The following EXOC3L1 variants were observed in gnomAD, a reference collection of about 807,000 sequenced individuals.
EXOC3L1 encodes exocyst complex component 3-like protein.
EXOC3L1 carries 79 observed loss-of-function variants against 83.6 expected under a neutral mutation model. The ratio of observed to expected loss-of-function variants is 0.95; its 90% CI spans 0.79 to 1.14. The LOEUF (loss-of-function observed/expected upper bound fraction) is 1.14, where lower values mean the gene tolerates loss of function less well. Ranked by LOEUF, EXOC3L1 falls within the 50% of genes most tolerant of loss-of-function variation. The pLI is 0.00. For synonymous variants in EXOC3L1, 433 were observed against 451.2 expected, an observed-to-expected ratio of 0.96 and a Z score of 0.51; for missense variants, 945 against 972.0, an observed-to-expected ratio of 0.97 and a Z score of 0.37.
In EXOC3L1 at chr16:67,185,574, G is replaced by GT; in HGVS notation, c.1497-85dup. The GT allele has an allele frequency of 2.3e-6, 3 of 1,277,900 alleles. No individual in the cohort carries two copies. In the South Asian group the frequency reaches 3.6e-5, roughly 15 times the overall value. 79.2% of individuals were successfully genotyped at this position (1,277,900 alleles called of 1,614,324 possible). ...GGTCCAGACCCTCCGGCGCCACCTT[G>GT]TGGGGCAAGTGTTTGACGGGAGGGA... On this transcript the variant is annotated intron_variant, in intron 9 of 13. Transcript: ENST00000314586.
In EXOC3L1 at chr16:67,187,680, G is replaced by C. The variant is rs1597270816; in HGVS notation, c.585C>G (p.Phe195Leu). Residue 195 changes from phenylalanine (F) to leucine (L), a missense_variant, in exon 5 of 14, where the codon TTC (phenylalanine) becomes TTG (leucine). Physicochemically the swap from Phe to Leu is conservative, Grantham distance 22 (BLOSUM62 0). Coordinates refer to ENST00000314586, the MANE Select transcript of EXOC3L1 (RefSeq NM_178516.4). ...LPVFQGLDLL[F>L]EALGQAVEAA... is the part of the protein sequence containing the mutation. ...CTTCCACAGCCTGGCCCAGTGCCTC[G>C]AACAGAAGGTCCAGCCCCTGGAAGA... is the stretch of plus-strand genomic sequence containing the variant. 6 of 1,612,808 alleles carry C rather than the reference G, an allele frequency of 3.7e-6. No individual in the cohort carries two copies. The East Asian group carries it at 1.3e-4, about 36-fold the overall frequency.
rs139481929 is a variant in EXOC3L1, at chr16:67,188,837, C to T, written c.311G>A (p.Arg104His). ...CTGGGACATGCCCTGGAGCAACCCA[C>T]GGGCCTGGCTCAGGGCCTCCCGGGT... is the stretch of plus-strand genomic sequence containing the variant. ...QGTREALSQA[R>H]GLLQGMSQAL... The change falls in exon 4 of 14, where the codon CGT becomes CAT. Residue 104 changes from arginine (R) to histidine (H), a missense_variant. Physicochemically the swap from Arg to His is conservative, Grantham distance 29 (BLOSUM62 0). Transcript: ENST00000314586. 366 of 1,613,302 alleles carry T rather than the reference C, an allele frequency of 2.3e-4. No homozygotes were observed. The East Asian group carries it at 7.2e-3, about 32-fold the overall frequency.
rs780398689 is a variant in EXOC3L1 at position 67,184,406 on chromosome 16, C to T, written c.2229G>A (p.Leu743=). The T allele has an allele frequency of 5.9e-5, 91 of 1,534,018 alleles. No individual in the cohort carries two copies. In the African/African-American group the frequency reaches 1.1e-3, roughly 19 times the overall value. ...LPSGSCARAL[L]LAE Reference sequence around the variant, plus strand: ...CGGCAGCCGTGGTTTATTCTGCGAGCAGCAGGGCTCGGGCGCAGGACCCCG... The same window carrying T: ...CGGCAGCCGTGGTTTATTCTGCGAGTAGCAGGGCTCGGGCGCAGGACCCCG... Residue 743 remains leucine (L), a synonymous_variant, in exon 14 of 14, where the codon CTG becomes CTA. Coordinates refer to ENST00000314586, the MANE Select transcript of EXOC3L1 (RefSeq NM_178516.4).
chr16:67,187,679 C>T lies in EXOC3L1; in HGVS notation c.586G>A (p.Glu196Lys), dbSNP rs772706021. 47 of 1,612,710 alleles carry T rather than the reference C, an allele frequency of 2.9e-5. 1 individual carries two copies. In the Middle Eastern group the frequency reaches 8.2e-4, roughly 28 times the overall value. The change falls in exon 5 of 14, where the codon GAG becomes AAG. Residue 196 changes from glutamate (E) to lysine (K), a missense_variant. By Grantham distance (56) the Glu-to-Lys change is moderately conservative. Coordinates refer to ENST00000314586, the MANE Select transcript of EXOC3L1 (RefSeq NM_178516.4). ...PVFQGLDLLF[E>K]ALGQAVEAAA... Reference sequence around the variant, plus strand: ...GCTTCCACAGCCTGGCCCAGTGCCTCGAACAGAAGGTCCAGCCCCTGGAAG... The same window carrying T: ...GCTTCCACAGCCTGGCCCAGTGCCTTGAACAGAAGGTCCAGCCCCTGGAAG...
In EXOC3L1 at chr16:67,188,370, C is replaced by T. The variant is rs76787337; in HGVS notation, c.427+351G>A. Among the ~76,000 whole-genome samples, 926 of 152,314 alleles carry T rather than the reference C, an allele frequency of 6.1e-3. 8 individuals carry two copies. The highest frequency in any genetic ancestry group is 0.021 in the African/African-American group (866 of 41,570). Reference sequence around the variant, plus strand: ...AGACCTGGTGGGCCAGAGGTCAACCCATGAACTCATGGAATATGAGGAAGC... The same window carrying T: ...AGACCTGGTGGGCCAGAGGTCAACCTATGAACTCATGGAATATGAGGAAGC... On this transcript the variant is annotated intron_variant, in intron 4 of 13. Transcript: ENST00000314586.
Position 67,184,451 on chromosome 16 carries a change from C to T in EXOC3L1, c.2184G>A (p.Ala728=). 2.0e-6 allele frequency: 3 copies of T among 1,528,810 alleles called. No individual in the cohort carries two copies. The highest frequency in any genetic ancestry group is 2.6e-6 in the Non-Finnish European group (3 of 1,143,970). 94.7% of individuals were successfully genotyped at this position (1,528,810 alleles called of 1,614,324 possible). The change falls in exon 14 of 14, where the codon GCG becomes GCA. Residue 728 remains alanine (A), a synonymous_variant. Transcript: ENST00000314586. ...LFSLVPAPAL[A]PASCLPSGSC... The stretch of plus-strand genomic sequence containing the variant: ...ACCCCGAGGGCAGGCAGGAGGCCGG[C>T]GCGAGCGCGGGCGCGGGCACTAGGC...
chr16:67,184,391 G>C lies in EXOC3L1; in HGVS notation c.*3C>G. ...ACAGACTCAGGCGTCCGGCAGCCGT[G>C]GTTTATTCTGCGAGCAGCAGGGCTC... On this transcript the variant is annotated 3_prime_UTR_variant, in exon 14 of 14. Transcript: ENST00000314586. 1 of 1,534,818 alleles carries C rather than the reference G, an allele frequency of 6.5e-7. No individual in the cohort carries two copies. Among genetic ancestry groups the C allele is most frequent in the South Asian group, 1.2e-5 (1 of 84,018 alleles).
In EXOC3L1 at chr16:67,187,745, C is replaced by T. The variant is rs749680837; in HGVS notation, c.520G>A (p.Glu174Lys). Residue 174 changes from glutamate to lysine, a missense_variant, in exon 5 of 14, where the codon GAG becomes AAG. By Grantham distance (56) the Glu-to-Lys change is moderately conservative. Coordinates refer to ENST00000314586, the MANE Select transcript of EXOC3L1 (RefSeq NM_178516.4). Reference sequence around the variant, plus strand: ...CCCCCCAGGGGTGCCCACGTATCCTCTCGCAGCTGCTCCAGCTCCCGAAGG... The same window carrying T: ...CCCCCCAGGGGTGCCCACGTATCCTTTCGCAGCTGCTCCAGCTCCCGAAGG... Reference protein sequence around the residue: ...VSLRELEQLREDTWAPLGGLE... With the variant: ...VSLRELEQLRKDTWAPLGGLE... 12 of 1,612,932 alleles carry T rather than the reference C, an allele frequency of 7.4e-6. No individual in the cohort carries two copies. The highest frequency in any genetic ancestry group is 1.0e-5 in the Non-Finnish European group (12 of 1,180,022).
In EXOC3L1 at chr16:67,184,645, CGCCCTCCGGCTTCTCTTCCCTTCTG is replaced by C; in HGVS notation, c.2030+16_2030+40del. Reference sequence around the variant, plus strand: ...GGAGGCGCGTCAGCCCCGTCCTCCCCGCCCTCCGGCTTCTCTTCCCTTCTGGCCCCCAGTCCGCACCTCACGTCGG... The same window carrying C: ...GGAGGCGCGTCAGCCCCGTCCTCCCCGCCCCCAGTCCGCACCTCACGTCGG... On this transcript the variant is annotated intron_variant, in intron 13 of 13. Coordinates refer to ENST00000314586, the MANE Select transcript of EXOC3L1 (RefSeq NM_178516.4). 2.5e-6 allele frequency: 4 copies of C among 1,581,408 alleles called. No homozygotes were observed. Among genetic ancestry groups the C allele is most frequent in the Non-Finnish European group, 3.4e-6 (4 of 1,168,138 alleles).
intron 1 of EXOC3L1, 124 bp downstream of exon 1, chr16:67,189,847 G>A: frequency 1.5e-6 from 1 of 649,316 alleles, no homozygotes; most frequent in Non-Finnish European, 2.7e-6. Context: ...CACCTGGGAG[G>A]CTTTGCCTGC....
chr16:67,188,576 C>T, intron 4 of EXOC3L1, 145 bp downstream of exon 4: 1 of 748,086 alleles, frequency 1.3e-6, no homozygotes, highest in Admixed American at 2.9e-5. Context: ...CCTCATAGGC[C>T]ATGGGAAGCC....
chr16:67,185,034 A>G lies in EXOC3L1; in HGVS notation c.1773T>C (p.Arg591=). Residue 591 remains arginine (R), a synonymous_variant, in exon 12 of 14, where the codon CGT becomes CGC. Coordinates refer to ENST00000314586, the MANE Select transcript of EXOC3L1 (RefSeq NM_178516.4). Reference sequence around the variant, plus strand: ...CGCTCAGGTACTGGAGCACCACGGCACGCTCGGCCTCAGCCAGCAGCAGCT... The same window carrying G: ...CGCTCAGGTACTGGAGCACCACGGCGCGCTCGGCCTCAGCCAGCAGCAGCT... ...TVQLLLAEAE[R]AVVLQYLSAL... The G allele has an allele frequency of 6.2e-7, 1 of 1,609,148 alleles. No homozygotes were observed. Among genetic ancestry groups the G allele is most frequent in the Non-Finnish European group, 8.5e-7 (1 of 1,177,546 alleles).
In EXOC3L1 at chr16:67,187,391, C is replaced by A; in HGVS notation, c.874G>T (p.Ala292Ser). ...ALPVELATAE[A>S]LVAPCCPPQY... ...GGCGGGCAGCAAGGCGCTACTAGTG[C>A]CTCAGCTGTGGCCAACTCGACTGGC... The change falls in exon 5 of 14, where the codon GCA becomes TCA. Residue 292 changes from alanine to serine, a missense_variant. Coordinates refer to ENST00000314586, the MANE Select transcript of EXOC3L1 (RefSeq NM_178516.4). 6.2e-7 allele frequency: 1 copy of A among 1,612,578 alleles called. No homozygotes were observed. The highest frequency in any genetic ancestry group is 8.5e-7 in the Non-Finnish European group (1 of 1,179,964).
intron 13 of EXOC3L1, 33 bp downstream of exon 13, chr16:67,184,653 G>C (rs779211044): frequency 1.3e-6 from 2 of 1,580,160 alleles, no homozygotes; most frequent in Non-Finnish European, 1.7e-6. Flanking sequence ...CCCGCCCTCC[G>C]GCTTCTCTTC....
chr16:67,189,176 A>C lies in EXOC3L1; in HGVS notation c.51T>G (p.Pro17=), dbSNP rs935376451. Residue 17 remains proline, a synonymous_variant, in exon 3 of 14, where the codon CCT becomes CCG. Coordinates refer to ENST00000314586, the MANE Select transcript of EXOC3L1 (RefSeq NM_178516.4). ...CTGCCCGCTCCTGCTCTGGCCACTCAGGTCCTGGGAAGGAAGAGCCTGGGC... is the reference window on the plus strand; with the variant it reads ...CTGCCCGCTCCTGCTCTGGCCACTCCGGTCCTGGGAAGGAAGAGCCTGGGC... ...DEMQPALSPG[P]EWPEQERAEQ... is the part of the protein sequence containing the mutation. 6.3e-7 allele frequency: 1 copy of C among 1,594,654 alleles called. No individual in the cohort carries two copies. The highest frequency in any genetic ancestry group is 8.5e-7 in the Non-Finnish European group (1 of 1,171,318).
intron 4 of EXOC3L1, 91 bp from the exon 5 acceptor site, chr16:67,187,928 G>T: frequency 6.8e-7 from 1 of 1,460,632 alleles, no homozygotes; most frequent in East Asian, 2.3e-5. Context: ...CAGGGCGGGG[G>T]TGATGCATAA....
intron 4 of EXOC3L1, 27 bp from the exon 5 acceptor site, chr16:67,187,864 C>T (rs1381893225): frequency 4.5e-6 from 7 of 1,546,906 alleles, no homozygotes; most frequent in African/African-American, 1.4e-5. Context: ...GGAGACGGCC[C>T]TGGGTCTCAG....
rs369713271 is a variant in EXOC3L1 at position 67,185,276 on chromosome 16, A to C, written c.1627-18T>G. ...AACAGGGGCTGGGGAAATGATCCAG[A>C]TCTGGCATTGCCGCGGAGACCCCCA... On this transcript the variant is annotated intron_variant, in intron 10 of 13. Coordinates refer to ENST00000314586, the MANE Select transcript of EXOC3L1 (RefSeq NM_178516.4). The C allele has an allele frequency of 2.4e-5, 39 of 1,613,260 alleles. No individual in the cohort carries two copies. The highest frequency in any genetic ancestry group is 3.2e-5 in the Non-Finnish European group (38 of 1,180,022).
Position 67,186,291 on chromosome 16 carries a change from G to A in EXOC3L1, c.1442C>T (p.Ala481Val). The change falls in exon 9 of 14, where the codon GCC becomes GTC. Residue 481 changes from alanine to valine, a missense_variant. Physicochemically the swap from Ala to Val is moderately conservative, Grantham distance 64. Transcript: ENST00000314586. Reference sequence around the variant, plus strand: ...CAGTAGGTAGGGCACGTAATGAGGGGCCATTGATTTCCCCCTGAAGTGGTC... The same window carrying A: ...CAGTAGGTAGGGCACGTAATGAGGGACCATTGATTTCCCCCTGAAGTGGTC... The part of the protein sequence containing the change: ...SRDHFRGKSM[A>V]PHYVPYLLAA... 6.3e-7 allele frequency: 1 copy of A among 1,577,610 alleles called. No individual in the cohort carries two copies. Among genetic ancestry groups the A allele is most frequent in the Non-Finnish European group, 8.6e-7 (1 of 1,160,716 alleles).
Sources: gnomAD v4.1 joint callset for allele counts (sites outside exome capture counted in the v4.1 genomes callset) on GRCh38, gnomAD v4.1.1 for gene constraint, MANE v1.5 for transcripts, NCBI Gene and HGNC (gene_info 2026-07-23, HGNC 2026-07-21) for gene names.